CUBN: variants seen among roughly 807,000 people sequenced by gnomAD.
CUBN encodes cubilin.
CUBN carries 282 observed loss-of-function variants against 405.3 expected under a neutral mutation model. That is an observed-to-expected ratio of 0.70 (90% CI 0.63 to 0.77). CUBN has a LOEUF of 0.77. CUBN is among the 30% of genes least tolerant of loss of function. The pLI is 0.00. For synonymous variants in CUBN, 1,684 were observed against 1,617.0 expected (o/e 1.04, Z -0.99); for missense variants, 4,514 against 4,475.2 (o/e 1.01, Z -0.25).
chr10:17,110,242 T>G lies in CUBN; in HGVS notation c.1016-507A>C, dbSNP rs1836739338. Among the ~76,000 whole-genome samples the G allele has an allele frequency of 1.3e-5, 2 of 152,236 alleles. 1 individual carries two copies. Among genetic ancestry groups the G allele is most frequent in the African/African-American group, 4.8e-5 (2 of 41,464 alleles). On this transcript the variant is annotated intron_variant, in intron 9 of 66. Coordinates refer to ENST00000377833, the MANE Select transcript of CUBN (RefSeq NM_001081.4). ...CAATTACGATATATGCCTACTGTGA[T>G]GCCTGTGGTTTAGTAAACTTGGTAT...
At chr10:16,852,778 C>G (rs996416369) in intron 59 of CUBN, among the ~76,000 whole-genome samples, 2 of 152,176 alleles carry the variant, frequency 1.3e-5, no homozygotes, top group Non-Finnish European at 2.9e-5. Context: ...TTCATGAACA[C>G]TGTCAGACTG....
Position 16,835,056 on chromosome 10 carries a change from A to C in CUBN, c.10320T>G (p.Leu3440=). ...TGCATTCAACTGAGTTCTCGATGCCAAGTGAATGAAAAAAGAGGGAAATGG... is the reference window on the plus strand; with the variant it reads ...TGCATTCAACTGAGTTCTCGATGCCCAGTGAATGAAAAAAGAGGGAAATGG... The part of the protein sequence containing the change: ...NHTISLFFHS[L]GIENSVECRN... The change falls in exon 64 of 67, where the codon CTT becomes CTG. Residue 3440 remains leucine (L), a synonymous_variant. Coordinates refer to ENST00000377833, the MANE Select transcript of CUBN (RefSeq NM_001081.4). The C allele has an allele frequency of 6.2e-7, 1 of 1,614,228 alleles. No individual in the cohort carries two copies. Among genetic ancestry groups the C allele is most frequent in the Non-Finnish European group, 8.5e-7 (1 of 1,180,036 alleles).
At chr10:17,109,555 C>G (rs747797571) in intron 10 of CUBN, 85 bp downstream of exon 10, 1 of 1,108,618 alleles carries the variant, frequency 9.0e-7, no homozygotes, top group Admixed American at 1.8e-5. Context: ...ATTTTGAGAA[C>G]AGAGGATTTT....
intron 28 of CUBN, among the ~76,000 whole-genome samples, chr10:16,997,311 T>C (rs1471546893): frequency 6.6e-6 from 1 of 152,076 alleles, no homozygotes; most frequent in African/African-American, 2.4e-5. Flanking sequence ...GGCAGGCACC[T>C]GTAGTCCCAG....
intron 28 of CUBN, among the ~76,000 whole-genome samples, chr10:17,019,476 T>A (rs1468475731): frequency 1.3e-5 from 2 of 152,172 alleles, no homozygotes; most frequent in Non-Finnish European, 2.9e-5. Flanking sequence ...TCTCATTCTA[T>A]TCCATTGCAC....
chr10:17,035,175 A>T (rs1834868656), intron 27 of CUBN, among the ~76,000 whole-genome samples: 1 of 152,168 alleles, frequency 6.6e-6, no homozygotes, highest in African/African-American at 2.4e-5. Context: ...TCACTACAAA[A>T]TCAGGAATAA....
At chr10:17,010,742 C>T (rs532119005) in intron 28 of CUBN, among the ~76,000 whole-genome samples, 3 of 152,294 alleles carry the variant, frequency 2.0e-5, no homozygotes, top group East Asian at 3.9e-4. Flanking sequence ...TTTGGGAATT[C>T]CTAATGTACG....
chr10:17,057,635 C>T (rs1177173925), intron 22 of CUBN, among the ~76,000 whole-genome samples: 1 of 152,028 alleles, frequency 6.6e-6, no homozygotes, highest in Non-Finnish European at 1.5e-5. Context: ...CCACAAAAAA[C>T]CTGCAAGTCA....
intron 39 of CUBN, among the ~76,000 whole-genome samples, chr10:16,933,643 T>G (rs754894222): frequency 6.6e-6 from 1 of 152,162 alleles, no homozygotes. Context: ...TCTTTATCAT[T>G]TTTGCGTAGT....
chr10:16,949,614 G>A (rs1052511678), intron 34 of CUBN, among the ~76,000 whole-genome samples: 3 of 149,638 alleles, frequency 2.0e-5, no homozygotes, highest in African/African-American at 4.9e-5. Flanking sequence ...TTTTTTTTTC[G>A]CTTCCACTAA....
chr10:17,102,595 CTTTTTTTTTTT>C (rs11357524), intron 13 of CUBN, among the ~76,000 whole-genome samples: 3 of 63,144 alleles, frequency 4.8e-5, no homozygotes, highest in East Asian at 5.5e-4. Flanking sequence ...CCTTGTTACT[CTTTTTTTTTTT>C]TTTTTTTTTT....
At chr10:16,943,315 T>A (rs962911450) in intron 36 of CUBN, among the ~76,000 whole-genome samples, 2 of 152,178 alleles carry the variant, frequency 1.3e-5, no homozygotes, top group Non-Finnish European at 2.9e-5. Flanking sequence ...TAGATGGAAT[T>A]TTCACAGCAA....
chr10:17,119,331 C>A (rs1468931253), intron 6 of CUBN, among the ~76,000 whole-genome samples: 29 of 152,198 alleles, frequency 1.9e-4, no homozygotes, highest in Admixed American at 1.9e-3. Flanking sequence ...CCATGCATGG[C>A]AAGCTCAGAT....
intron 36 of CUBN, among the ~76,000 whole-genome samples, chr10:16,940,969 C>G (rs959617039): frequency 1.3e-5 from 2 of 152,100 alleles, no homozygotes; most frequent in African/African-American, 4.8e-5. Flanking sequence ...TTCAACTTGT[C>G]TTATATTCTG....
intron 31 of CUBN, among the ~76,000 whole-genome samples, chr10:16,979,602 T>C (rs1263365436): frequency 6.6e-6 from 1 of 152,238 alleles, no homozygotes; most frequent in African/African-American, 2.4e-5. Flanking sequence ...AAGGATTCCC[T>C]ATTTAATAAA....
chr10:16,838,426 T>C (rs939372309), intron 62 of CUBN, among the ~76,000 whole-genome samples: 2 of 152,232 alleles, frequency 1.3e-5, no homozygotes, highest in African/African-American at 2.4e-5. Context: ...TATTCTCAGA[T>C]GTTCTCCTGG....
chr10:16,851,646 C>T (rs1351032085), intron 59 of CUBN, among the ~76,000 whole-genome samples: 3 of 145,194 alleles, frequency 2.1e-5, no homozygotes, highest in Non-Finnish European at 4.6e-5. Context: ...CCATCTCTCC[C>T]TCCTTCCCTC....
At chr10:16,955,326 T>C (rs1843026298) in intron 31 of CUBN, among the ~76,000 whole-genome samples, 1 of 127,318 alleles carries the variant, frequency 7.9e-6, no homozygotes, top group Non-Finnish European at 1.5e-5. Flanking sequence ...TGAGCTGAGA[T>C]CCCACCACTG....
chr10:17,029,693 C>A (rs1834747941), intron 27 of CUBN, among the ~76,000 whole-genome samples: 1 of 152,178 alleles, frequency 6.6e-6, no homozygotes, highest in Admixed American at 6.5e-5. Context: ...ACAGACAGTT[C>A]CAGGAAGCAT....
Sources: allele counts gnomAD v4.1 joint callset (sites outside exome capture counted in the v4.1 genomes callset), GRCh38; gene constraint gnomAD v4.1.1; transcripts MANE v1.5; gene names NCBI Gene and HGNC (gene_info 2026-07-23, HGNC 2026-07-21).